Variants in EDIL3 observed in about 807,000 individuals in gnomAD.
The protein encoded by EDIL3 is EGF like and discoidin domains 3.
EDIL3 carries 37 observed loss-of-function variants against 67.4 expected under a neutral mutation model. That is an observed-to-expected ratio of 0.55 (90% CI 0.42 to 0.72). The LOEUF (loss-of-function observed/expected upper bound fraction) is 0.72, where lower values mean the gene tolerates loss of function less well. Ranked by LOEUF, EDIL3 falls within the 30% of genes least tolerant of loss-of-function variation. EDIL3 has a pLI of 0.00. For missense variants in EDIL3, 527 were observed against 586.3 expected (o/e 0.90, Z 1.04); for synonymous variants, 195 against 196.3 (o/e 0.99, Z 0.05).
intron 10 of EDIL3, among the ~76,000 whole-genome samples, chr5:83,962,575 A>G (rs1038369569): frequency 3.3e-5 from 5 of 151,630 alleles, no homozygotes. Context: ...GTGTGTGTAT[A>G]GAGGTATGTA....
intron 9 of EDIL3, among the ~76,000 whole-genome samples, chr5:84,018,671 T>C (rs560136969): frequency 6.6e-6 from 1 of 152,274 alleles, no homozygotes; most frequent in East Asian, 1.9e-4. Context: ...ACTGATAAGA[T>C]CTTATGAGGC....
chr5:84,372,709 C>T (rs1282758287), intron 1 of EDIL3, among the ~76,000 whole-genome samples: 1 of 152,150 alleles, frequency 6.6e-6, no homozygotes, highest in Non-Finnish European at 1.5e-5. Flanking sequence ...GTGCTGATTA[C>T]TTATTCTATT....
intron 1 of EDIL3, among the ~76,000 whole-genome samples, chr5:84,340,378 T>C (rs998964035): frequency 6.6e-6 from 1 of 151,528 alleles, no homozygotes; most frequent in Non-Finnish European, 1.5e-5. Context: ...ATGATAATAA[T>C]CCATTTCTTA....
intron 9 of EDIL3, among the ~76,000 whole-genome samples, chr5:83,969,443 TC>T (rs1391702644): frequency 6.6e-6 from 1 of 151,828 alleles, no homozygotes; most frequent in African/African-American, 2.4e-5. Flanking sequence ...TAATAGTAAT[TC>T]CTAATGACTA....
chr5:84,020,095 A>G (rs1386773867), intron 9 of EDIL3, among the ~76,000 whole-genome samples: 1 of 149,332 alleles, frequency 6.7e-6, no homozygotes, highest in African/African-American at 2.4e-5. Context: ...AAAAAAACGC[A>G]ACAAACAAAA....
At chr5:84,289,405 T>G (rs1033005489) in intron 1 of EDIL3, among the ~76,000 whole-genome samples, 2 of 152,178 alleles carry the variant, frequency 1.3e-5, no homozygotes, top group African/African-American at 4.8e-5. Context: ...TCCCAGCTCC[T>G]CCATGAGGAG....
chr5:83,963,278 G>A lies in EDIL3; in HGVS notation c.1220C>T (p.Ser407Phe). ...ATCATTGCTGTAAGCCAGTTTGTAG[G>A]AGCCAACAAACTGTACATGACCAAA... ...KDFGHVQFVG[S>F]YKLAYSNDGE... Residue 407 changes from serine (S) to phenylalanine (F), a missense_variant, in exon 10 of 11, where the codon TCC (serine) becomes TTC (phenylalanine). Around this residue, in one of 2 missense-constraint regions of EDIL3, gnomAD observed 494 missense variants for 522.5 expected, o/e 0.95. Coordinates refer to ENST00000296591, the MANE Select transcript of EDIL3 (RefSeq NM_005711.5). The A allele has an allele frequency of 6.2e-7, 1 of 1,610,140 alleles. No individual in the cohort carries two copies. The highest frequency in any genetic ancestry group is 1.3e-5 in the African/African-American group (1 of 74,682).
At position 84,043,530 on chromosome 5, in the gene EDIL3, T is replaced by C. The variant is rs1453882688; in HGVS notation, c.1137+16770A>G. Among the ~76,000 whole-genome samples, 4 of 152,068 alleles carry C rather than the reference T, an allele frequency of 2.6e-5. No individual in the cohort carries two copies. The South Asian group carries it at 6.2e-4, about 24-fold the overall frequency. ...TGCTGTACTGAAAAAATCATGTTGA[T>C]GCAAAAAAAGGCTGTTAAGGTTAAA... On this transcript the variant is annotated intron_variant, in intron 9 of 10. Transcript: ENST00000296591.
chr5:84,356,889 CTTTTTTTTT>C (rs1189590387), intron 1 of EDIL3, among the ~76,000 whole-genome samples: 6 of 32,096 alleles, frequency 1.9e-4, no homozygotes, highest in Non-Finnish European at 2.6e-4. Context: ...ATCTTTCTTT[CTTTTTTTTT>C]TTTTTTTTTT....
chr5:84,250,877 A>C (rs2112072073), intron 2 of EDIL3, among the ~76,000 whole-genome samples: 1 of 152,316 alleles, frequency 6.6e-6, no homozygotes, highest in African/African-American at 2.4e-5. Context: ...AATGGATAGA[A>C]GAAACCTTAG....
intron 2 of EDIL3, among the ~76,000 whole-genome samples, chr5:84,233,660 T>C (rs1303038469): frequency 1.3e-5 from 2 of 152,168 alleles, no homozygotes; most frequent in Non-Finnish European, 2.9e-5. Context: ...GGCCTAGATA[T>C]AGGCATGTGA....
intron 9 of EDIL3, among the ~76,000 whole-genome samples, chr5:84,030,340 A>G (rs555915143): frequency 5.6e-4 from 86 of 152,230 alleles, no homozygotes; most frequent in Non-Finnish European, 1.1e-3. Context: ...AGATCAAAGC[A>G]TTGATCTACA....
intron 9 of EDIL3, among the ~76,000 whole-genome samples, chr5:84,055,066 A>G (rs1325255379): frequency 6.8e-6 from 1 of 146,498 alleles, no homozygotes; most frequent in African/African-American, 2.7e-5. Context: ...CTGTACTACA[A>G]GGCTACAGTA....
chr5:84,017,916 A>G (rs1745638544), intron 9 of EDIL3, among the ~76,000 whole-genome samples: 1 of 152,152 alleles, frequency 6.6e-6, no homozygotes, highest in Non-Finnish European at 1.5e-5. Context: ...AAATTGTGTC[A>G]CTTCCAGGAA....
At chr5:84,037,163 G>T (rs1288213819) in intron 9 of EDIL3, among the ~76,000 whole-genome samples, 4 of 152,092 alleles carry the variant, frequency 2.6e-5, no homozygotes, top group African/African-American at 9.7e-5. Context: ...GCACCCTATG[G>T]GTATGAAGTG....
At chr5:83,966,167 T>TCAC (rs1744687552) in intron 9 of EDIL3, among the ~76,000 whole-genome samples, 3 of 152,108 alleles carry the variant, frequency 2.0e-5, no homozygotes, top group African/African-American at 7.2e-5. Context: ...TTTCAGATCC[T>TCAC]CACCTCCCCA....
At chr5:84,324,844 T>C (rs143494614) in intron 1 of EDIL3, among the ~76,000 whole-genome samples, 2 of 151,624 alleles carry the variant, frequency 1.3e-5, no homozygotes, top group Admixed American at 1.3e-4. Flanking sequence ...AGCACTGTCA[T>C]CACTAAATGA....
intron 9 of EDIL3, among the ~76,000 whole-genome samples, chr5:84,018,481 G>A (rs1745648631): frequency 6.6e-6 from 1 of 152,110 alleles, no homozygotes; most frequent in African/African-American, 2.4e-5. Context: ...GGAAGAAATT[G>A]TTTAATAAAT....
chr5:84,138,419 C>T (rs1226520387), intron 4 of EDIL3, among the ~76,000 whole-genome samples: 5 of 152,208 alleles, frequency 3.3e-5, no homozygotes, highest in Non-Finnish European at 7.3e-5. Context: ...TGGAAAACTA[C>T]TGAGGCTCAA....
Sources: gnomAD v4.1 joint callset for allele counts (sites outside exome capture counted in the v4.1 genomes callset) on GRCh38, gnomAD v4.1.1 for gene constraint, gnomAD v4.1.1 regional missense constraint, MANE v1.5 for transcripts, NCBI Gene and HGNC (gene_info 2026-07-23, HGNC 2026-07-21) for gene names.